The following SPIDR variants were observed in gnomAD, a reference collection of about 807,000 sequenced individuals.
SPIDR encodes the protein scaffold protein involved in DNA repair, also known as DNA repair-scaffolding protein.
Under a neutral mutation model 104.6 loss-of-function variants are expected in SPIDR, and 93 were observed. The observed-to-expected ratio is 0.89, with a 90% confidence interval of 0.75 to 1.06. The LOEUF (loss-of-function observed/expected upper bound fraction) is 1.06. Ranked by LOEUF, SPIDR falls within the 50% of genes least tolerant of loss-of-function variation. The pLI is 0.00. For missense variants in SPIDR, 1,154 were observed against 1,111.2 expected (o/e 1.04, Z -0.55); for synonymous variants, 431 against 416.9 (o/e 1.03, Z -0.41).
chr8:47,553,801 G>A (rs981469338), intron 8 of SPIDR, among the ~76,000 whole-genome samples: 3 of 152,214 alleles, frequency 2.0e-5, no homozygotes, highest in Non-Finnish European at 2.9e-5. Context: ...GCAAGGAACT[G>A]TCTTCCTTTG....
chr8:47,711,932 T>C (rs1414457043), intron 14 of SPIDR, among the ~76,000 whole-genome samples: 2 of 152,152 alleles, frequency 1.3e-5, no homozygotes, highest in African/African-American at 4.8e-5. Context: ...CCAGTCCTGT[T>C]AACTGGCCAT....
intron 11 of SPIDR, among the ~76,000 whole-genome samples, chr8:47,686,370 A>C (rs1482368116): frequency 2.0e-5 from 3 of 152,242 alleles, no homozygotes; most frequent in Non-Finnish European, 4.4e-5. Context: ...TTATTAGCTG[A>C]ATTCTCAAAA....
chr8:47,508,998 T>G (rs1456876263), intron 8 of SPIDR, among the ~76,000 whole-genome samples: 1 of 152,178 alleles, frequency 6.6e-6, no homozygotes, highest in Non-Finnish European at 1.5e-5. Context: ...CAGCCACTCC[T>G]TCAGTGAGAG....
chr8:47,272,461 A>G (rs1202006834), intron 1 of SPIDR, among the ~76,000 whole-genome samples: 1 of 152,142 alleles, frequency 6.6e-6, no homozygotes, highest in Non-Finnish European at 1.5e-5. Context: ...TAATGAAGAC[A>G]TTATGTGGTT....
intron 16 of SPIDR, among the ~76,000 whole-genome samples, chr8:47,721,475 CTT>C (rs751216278): frequency 1.4e-5 from 2 of 143,948 alleles, no homozygotes; most frequent in Non-Finnish European, 1.5e-5. Context: ...ATTATTGAAA[CTT>C]TTTTTTTTTT....
intron 8 of SPIDR, among the ~76,000 whole-genome samples, chr8:47,454,830 A>T (rs1411725160): frequency 6.6e-6 from 1 of 152,048 alleles, no homozygotes; most frequent in Non-Finnish European, 1.5e-5. Context: ...CATGTGTGTG[A>T]ACAGCCACTG....
intron 5 of SPIDR, among the ~76,000 whole-genome samples, chr8:47,330,494 C>A (rs2154267652): frequency 6.6e-6 from 1 of 152,290 alleles, no homozygotes; most frequent in South Asian, 2.1e-4. Context: ...CACTAAAAAT[C>A]CTCTGTGCTC....
At chr8:47,608,882 C>A (rs2063294697) in intron 10 of SPIDR, among the ~76,000 whole-genome samples, 1 of 152,194 alleles carries the variant, frequency 6.6e-6, no homozygotes, top group African/African-American at 2.4e-5. Flanking sequence ...TGTGCGCTAC[C>A]ACGCCCAGCT....
At chr8:47,659,423 C>A (rs1464971177) in intron 10 of SPIDR, among the ~76,000 whole-genome samples, 1 of 152,218 alleles carries the variant, frequency 6.6e-6, no homozygotes, top group Admixed American at 6.5e-5. Context: ...AAAAACATTT[C>A]TGTGCAGTAG....
chr8:47,585,107 C>G (rs952933093), intron 8 of SPIDR, among the ~76,000 whole-genome samples: 1 of 152,066 alleles, frequency 6.6e-6, no homozygotes, highest in Non-Finnish European at 1.5e-5. Context: ...GGAGTATAAG[C>G]TTTACGTATA....
intron 8 of SPIDR, chr8:47,546,875 A>G (rs371540647): frequency 1.7e-5 from 7 of 409,808 alleles, no homozygotes; most frequent in South Asian, 2.0e-5. Flanking sequence ...ACGTTTCCTC[A>G]GGGAAGAGAA....
intron 5 of SPIDR, among the ~76,000 whole-genome samples, chr8:47,322,654 G>A (rs376927808): frequency 2.0e-5 from 3 of 152,174 alleles, no homozygotes; most frequent in African/African-American, 7.2e-5. Flanking sequence ...TTTATTGGGG[G>A]ACTATTCACA....
At chr8:47,645,372 T>C (rs1213253923) in intron 10 of SPIDR, among the ~76,000 whole-genome samples, 2 of 152,034 alleles carry the variant, frequency 1.3e-5, no homozygotes, top group Non-Finnish European at 2.9e-5. Context: ...GTTGTTGGAC[T>C]GGTGGTGGTG....
intron 10 of SPIDR, among the ~76,000 whole-genome samples, chr8:47,609,429 A>G (rs10111963): frequency 0.028 from 4,332 of 152,264 alleles, 214 homozygotes; most frequent in African/African-American, 0.097. Flanking sequence ...GTATGGTCCA[A>G]CATTGTGGGT....
At chr8:47,705,042 C>T (rs1349914097) in intron 14 of SPIDR, among the ~76,000 whole-genome samples, 1 of 152,248 alleles carries the variant, frequency 6.6e-6, no homozygotes. Context: ...AGGGAGAATG[C>T]TGTCCTCAGA....
chr8:47,340,669 G>C (rs1042217859), intron 5 of SPIDR, among the ~76,000 whole-genome samples: 2 of 152,148 alleles, frequency 1.3e-5, no homozygotes, highest in Non-Finnish European at 2.9e-5. Flanking sequence ...GCGTAATTAG[G>C]TGGAGATCTC....
rs1273164666 is a variant in SPIDR at position 47,598,977 on chromosome 8, C to T, written c.1325C>T (p.Thr442Ile). The change falls in exon 10 of 20, where the codon ACA becomes ATA. Residue 442 changes from threonine to isoleucine, a missense_variant. Physicochemically the swap from Thr to Ile is moderately conservative, Grantham distance 89. Coordinates refer to ENST00000297423, the MANE Select transcript of SPIDR (RefSeq NM_001080394.4). The stretch of plus-strand genomic sequence containing the variant: ...TGTAGTGGTGTAGCCACTACAGGGA[C>T]AGCCTGGACCCATGGGCACAAAGAA... Reference protein sequence around the residue: ...VVCSGVATTGTAWTHGHKEAK... With the variant: ...VVCSGVATTGIAWTHGHKEAK... The T allele has an allele frequency of 3.1e-6, 5 of 1,613,894 alleles. No individual in the cohort carries two copies. The South Asian group carries it at 4.4e-5, about 14-fold the overall frequency.
intron 9 of SPIDR, among the ~76,000 whole-genome samples, chr8:47,597,496 C>T (rs771622557): frequency 1.3e-5 from 2 of 152,182 alleles, no homozygotes; most frequent in East Asian, 3.9e-4. Flanking sequence ...AGGAATTTTT[C>T]GTCTCCATCA....
chr8:47,565,992 ATTT>A (rs768002878), intron 8 of SPIDR, among the ~76,000 whole-genome samples: 15 of 14,930 alleles, frequency 1.0e-3, no homozygotes, highest in East Asian at 4.1e-3. Context: ...ATATATATAT[ATTT>A]TTTTTTTTTT....
Sources: allele counts gnomAD v4.1 joint callset (sites outside exome capture counted in the v4.1 genomes callset), GRCh38; gene constraint gnomAD v4.1.1; transcripts MANE v1.5; gene names NCBI Gene and HGNC (gene_info 2026-07-23, HGNC 2026-07-21).